The following GGN variants were observed in gnomAD, a reference collection of about 807,000 sequenced individuals.
GGN encodes the protein gametogenetin.
GGN carries 27 observed loss-of-function variants against 35.5 expected under a neutral mutation model. The observed-to-expected ratio is 0.76, with a 90% CI of 0.56 to 1.05. GGN has a LOEUF of 1.05. Among genes scored for constraint, GGN ranks in the 50% least tolerant of loss-of-function variants. The probability of loss-of-function intolerance (pLI) is 0.00; values close to 1 mark genes in which losing one functional copy is unlikely to be tolerated. For missense variants in GGN, 1,006 were observed against 940.7 expected, an observed-to-expected ratio of 1.07 and a Z score of -0.91; for synonymous variants, 425 against 444.1, an observed-to-expected ratio of 0.96 and a Z score of 0.54.
At position 38,385,844 on chromosome 19, in the gene GGN, T is replaced by C. The variant is rs1970705892; in HGVS notation, c.1418A>G (p.Glu473Gly). 1.3e-6 allele frequency: 2 copies of C among 1,541,526 alleles called. No homozygotes were observed. Among genetic ancestry groups the C allele is most frequent in the African/African-American group, 1.4e-5 (1 of 72,762 alleles). Residue 473 changes from glutamate to glycine, a missense_variant, in exon 3 of 4, where the codon GAG (glutamate) becomes GGG (glycine). By Grantham distance (98) the Glu-to-Gly change is moderately conservative. Coordinates refer to ENST00000334928, the MANE Select transcript of GGN (RefSeq NM_152657.4). ...GGCTGCGGTGGGAGCCAGGGCTGACTCCTTGTGGCCCAGACCCGGGGTGAG... is the reference window on the plus strand; with the variant it reads ...GGCTGCGGTGGGAGCCAGGGCTGACCCCTTGTGGCCCAGACCCGGGGTGAG... The part of the protein sequence containing the change: ...PPLTPGLGHK[E>G]SALAPTAAPA...
chr19:38,388,158 T>A (rs1186251067), upstream of GGN: 1 of 176,332 alleles, frequency 5.7e-6, no homozygotes, highest in Non-Finnish European at 1.2e-5. Context: ...TTTGGACCTC[T>A]CATCTGCCCC....
Sources: gnomAD v4.1 joint callset for allele counts on GRCh38, gnomAD v4.1.1 for gene constraint, MANE v1.5 for transcripts, NCBI Gene and HGNC (gene_info 2026-07-23, HGNC 2026-07-21) for gene names.